The following NFKBID variants were observed in gnomAD, a reference collection of about 807,000 sequenced individuals.
NFKBID encodes NF-kappa-B inhibitor delta.
Under a neutral mutation model 53.4 loss-of-function variants are expected in NFKBID, and 26 were observed. The observed-to-expected ratio is 0.49, with a 90% confidence interval of 0.36 to 0.68. The LOEUF is 0.68. Ranked by LOEUF, NFKBID falls within the 30% of genes least tolerant of loss-of-function variation. The pLI, the probability that NFKBID is intolerant of heterozygous loss-of-function variation, is 0.00. For missense variants in NFKBID, 493 were observed against 614.1 expected (o/e 0.80, Z 2.08); for synonymous variants, 262 against 259.8 (o/e 1.01, Z -0.08).
At chr19:35,898,476 C>G in exon 3 of NFKBID, 3 of 1,533,674 alleles carry the variant, frequency 2.0e-6, no homozygotes, top group South Asian at 1.2e-5. Flanking sequence ...ACTTACCAGT[C>G]ACAGCCTCAT....
chr19:35,892,396 A>T (rs1208900399), intron 9 of NFKBID, among the ~76,000 whole-genome samples: 4 of 151,966 alleles, frequency 2.6e-5, no homozygotes. Flanking sequence ...CTAAAAATAC[A>T]AAAATTAGTG....
chr19:35,897,224 C>A (rs1241366213), intron 4 of NFKBID, 166 bp from the exon 5 acceptor site: 19 of 674,710 alleles, frequency 2.8e-5, no homozygotes, highest in Non-Finnish European at 4.5e-5. Context: ...GACCTTGGAC[C>A]TTTAGGCCTC....
In NFKBID at chr19:35,896,857, G is replaced by A. The variant is rs951770238; in HGVS notation, c.579-26C>T. 3 of 1,613,616 alleles carry A rather than the reference G, an allele frequency of 1.9e-6. No homozygotes were observed. Among genetic ancestry groups the A allele is most frequent in the Non-Finnish European group, 2.5e-6 (3 of 1,179,558 alleles). ...CTGAGGACAGGTGGGGGACAGCCGT[G>A]AGAACAGCCCCCACCAAGCCAAGAG... On this transcript the variant is annotated intron_variant, in intron 5 of 11. Transcript: ENST00000641389. This position sits in a 1 kb window ranked among gnomAD's most constrained non-coding sequence, Gnocchi z 5.7.
rs1038402349 is a variant in NFKBID at position 35,895,894 on chromosome 19, T to A, written c.1032+86A>T. 1.2e-5 allele frequency: 16 copies of A among 1,287,224 alleles called. No individual in the cohort carries two copies. The African/African-American group carries it at 2.3e-4, about 19-fold the overall frequency. 79.7% of individuals were successfully genotyped at this position (1,287,224 alleles called of 1,614,324 possible). The stretch of plus-strand genomic sequence containing the variant: ...GGCACGCAGCAAGGAAGAGGCAAAG[T>A]CAGCATTTGCCTGGAGCTCCCGGAC... On this transcript the variant is annotated intron_variant, in intron 9 of 11. Coordinates refer to ENST00000641389, the Ensembl canonical transcript of NFKBID.
chr19:35,897,340 T>C lies in NFKBID; in HGVS notation c.433-282A>G, dbSNP rs116798770. 6.0e-3 allele frequency: 3,209 copies of C among 537,650 alleles called. 65 individuals are homozygous for C. The highest frequency in any genetic ancestry group is 0.055 in the African/African-American group (2,875 of 52,588). 33.3% of individuals were successfully genotyped at this position (537,650 alleles called of 1,614,324 possible). ...TGCAATCTCTACTCACTGCAATCTC[T>C]ACCTCCTGGGTTCAAGCAATTCCCC... On this transcript the variant is annotated intron_variant, in intron 4 of 11. Coordinates refer to ENST00000641389, the Ensembl canonical transcript of NFKBID.
exon 2 of NFKBID, chr19:35,898,808 G>C: frequency 6.5e-7 from 1 of 1,535,818 alleles, no homozygotes; most frequent in Non-Finnish European, 8.7e-7. Flanking sequence ...CAGTGGCTGC[G>C]CTCACCCCTG....
At chr19:35,900,399 C>G (rs1975495137) in intron 1 of NFKBID, 43 bp downstream of exon 1, 1 of 1,215,384 alleles carries the variant, frequency 8.2e-7, no homozygotes, top group Non-Finnish European at 1.0e-6. Context: ...CTCAGTCCCT[C>G]ACTCTCTTAG....
chr19:35,897,369 C>A (rs1468596345), intron 4 of NFKBID: 5 of 548,532 alleles, frequency 9.1e-6, no homozygotes, highest in Non-Finnish European at 1.6e-5. Flanking sequence ...ATTCCCCTGC[C>A]TCAGCCTCCC....
At chr19:35,900,610 C>G in exon 1 of NFKBID, 11 of 1,230,216 alleles carry the variant, frequency 8.9e-6, no homozygotes, top group Non-Finnish European at 1.1e-5. Context: ...GGGCAGGGCC[C>G]GCCCACAGGC....
chr19:35,896,791 C>A lies in NFKBID; in HGVS notation c.619G>T (p.Ala207Ser), dbSNP rs112797384. Residue 207 changes from alanine (A) to serine (S), a missense_variant, in exon 6 of 12, where the codon GCA becomes TCA. Physicochemically the swap from Ala to Ser is moderately conservative, Grantham distance 99. Around this residue, in one of 2 missense-constraint regions of NFKBID, gnomAD observed 267 missense variants for 384.6 expected, o/e 0.69. Transcript: ENST00000641389. This position sits in a 1 kb window ranked among gnomAD's most constrained non-coding sequence, Gnocchi z 5.7. ...TGGAGCACCTCAGCCGCAGCATATGCCGCCCAGCGCAGCCCCCGAGCCGCA... is the reference window on the plus strand; with the variant it reads ...TGGAGCACCTCAGCCGCAGCATATGACGCCCAGCGCAGCCCCCGAGCCGCA... The A allele has an allele frequency of 2.0e-5, 33 of 1,614,008 alleles. No homozygotes were observed. In the African/African-American group the frequency reaches 2.1e-4, roughly 10 times the overall value.
chr19:35,890,321 T>C, intron 10 of NFKBID, 53 bp downstream of exon 10: 1 of 1,126,596 alleles, frequency 8.9e-7, no homozygotes, highest in Non-Finnish European at 1.3e-6. Context: ...AACATCCCAC[T>C]GCCCCCCCTA....
intron 9 of NFKBID, among the ~76,000 whole-genome samples, chr19:35,892,748 A>G (rs1162918867): frequency 6.6e-6 from 1 of 152,188 alleles, no homozygotes; most frequent in Non-Finnish European, 1.5e-5. Flanking sequence ...CTCCTTCTAC[A>G]TTCCCAAGGC....
In NFKBID at chr19:35,896,558, T is replaced by G. The variant is rs1599618742; in HGVS notation, c.685-20A>C. ...AGGGGTCTGCAGGCCACAGGAGAAG[T>G]CAGGTTGGGCTCCTGGTTCCCTCCC... On this transcript the variant is annotated intron_variant, in intron 6 of 11. Transcript: ENST00000641389. This position sits in a 1 kb window ranked among gnomAD's most constrained non-coding sequence, Gnocchi z 5.7. 1 of 1,611,966 alleles carries G rather than the reference T, an allele frequency of 6.2e-7. No individual in the cohort carries two copies. Among genetic ancestry groups the G allele is most frequent in the Non-Finnish European group, 8.5e-7 (1 of 1,179,076 alleles).
chr19:35,891,758 T>C (rs1417045453), intron 9 of NFKBID, among the ~76,000 whole-genome samples: 1 of 151,990 alleles, frequency 6.6e-6, no homozygotes, highest in East Asian at 1.9e-4. Context: ...TCCCAGCTAC[T>C]TGGGAGGCTG....
intron 3 of NFKBID, 73 bp downstream of exon 3, chr19:35,898,399 A>G (rs1975332592): frequency 2.0e-6 from 2 of 981,564 alleles, no homozygotes; most frequent in East Asian, 2.6e-5. Context: ...AGGTGTCCCA[A>G]AGTTCTGAGA....
At chr19:35,894,854 G>A (rs538853718) in intron 9 of NFKBID, among the ~76,000 whole-genome samples, 33 of 151,714 alleles carry the variant, frequency 2.2e-4, no homozygotes, top group African/African-American at 7.0e-4. Flanking sequence ...TTAGCTGGAC[G>A]TGGTGGTGGG....
chr19:35,894,318 C>T (rs999833978), intron 9 of NFKBID, among the ~76,000 whole-genome samples: 2 of 152,098 alleles, frequency 1.3e-5, no homozygotes, highest in African/African-American at 4.8e-5. Context: ...TATGAAGGAG[C>T]TACTGTCACA....
At chr19:35,898,849 C>T (rs1465245376) in intron 1 of NFKBID, 27 bp from the exon 2 acceptor site, 1 of 1,517,718 alleles carries the variant, frequency 6.6e-7, no homozygotes, top group Non-Finnish European at 8.8e-7. Flanking sequence ...AGGGGGAAGT[C>T]ATCAAGGGTC....
At chr19:35,899,869 C>A (rs1204936505) in intron 1 of NFKBID, 1 of 152,534 alleles carries the variant, frequency 6.6e-6, no homozygotes, top group Non-Finnish European at 1.5e-5. Flanking sequence ...TCCTGTGCCC[C>A]AGGTGTCCTG....
Sources: allele counts gnomAD v4.1 joint callset (sites outside exome capture counted in the v4.1 genomes callset), GRCh38; gene constraint gnomAD v4.1.1; regional missense constraint gnomAD v4.1.1; non-coding constraint Gnocchi (gnomAD v3.1); transcripts MANE v1.5; gene names NCBI Gene and HGNC (gene_info 2026-07-23, HGNC 2026-07-21).